The following TWIST2 variants were observed in gnomAD, a reference collection of about 807,000 sequenced individuals.
TWIST2 encodes the protein twist family bHLH transcription factor 2, also known as twist-related protein 2.
Under a neutral mutation model 11.6 loss-of-function variants are expected in TWIST2, and 1 was observed. The ratio of observed to expected loss-of-function variants is 0.09; its 90% confidence interval spans 0.03 to 0.41. TWIST2 has a LOEUF of 0.41. TWIST2 is among the 10% of genes least tolerant of loss of function. The probability of loss-of-function intolerance (pLI) is 0.98; values close to 1 mark genes in which losing one functional copy is unlikely to be tolerated. For missense variants in TWIST2, 168 were observed against 226.4 expected (o/e 0.74, Z 1.66); for synonymous variants, 87 against 96.6 (o/e 0.90, Z 0.58).
chr2:238,891,103 G>C (rs1054260471), intron 1 of TWIST2, among the ~76,000 whole-genome samples: 3 of 152,210 alleles, frequency 2.0e-5, no homozygotes, highest in Non-Finnish European at 2.9e-5. Flanking sequence ...TAGATTTGTG[G>C]ATCATGACAT....
chr2:238,884,332 C>T (rs1692992973), intron 1 of TWIST2, among the ~76,000 whole-genome samples: 1 of 152,220 alleles, frequency 6.6e-6, no homozygotes, highest in Non-Finnish European at 1.5e-5. Context: ...CCCAGTGAGG[C>T]CAAGACCAGG....
chr2:238,848,392 G>A lies in TWIST2; in HGVS notation c.177G>A (p.Gln59=), dbSNP rs888867938. The A allele has an allele frequency of 2.0e-6, 3 of 1,535,620 alleles. No homozygotes were observed. The African/African-American group carries it at 4.1e-5, about 21-fold the overall frequency. ...KRGKKGSPSA[Q]SFEELQSQRI... ...GCAAGAAGGGCAGCCCCAGCGCGCA[G>A]TCCTTCGAGGAGCTGCAGAGCCAGC... Residue 59 remains glutamine, a synonymous_variant, in exon 1 of 2, where the codon CAG becomes CAA. Transcript: ENST00000612363.
intron 1 of TWIST2, among the ~76,000 whole-genome samples, chr2:238,900,360 T>G (rs936370823): frequency 2.0e-5 from 3 of 152,196 alleles, no homozygotes; most frequent in Admixed American, 1.3e-4. Context: ...GGCCAGAAGC[T>G]GTAGGGGTTG....
At chr2:238,907,867 C>T (rs1402133220) in intron 1 of TWIST2, among the ~76,000 whole-genome samples, 2 of 140,356 alleles carry the variant, frequency 1.4e-5, no homozygotes, top group Non-Finnish European at 3.0e-5. Context: ...ATACACACCA[C>T]ATACACACAC....
At chr2:238,870,215 C>T (rs368905836) in intron 1 of TWIST2, among the ~76,000 whole-genome samples, 1 of 37,460 alleles carries the variant, frequency 2.7e-5, no homozygotes, top group Admixed American at 2.5e-4. Flanking sequence ...CCACACACCC[C>T]ACACACACAT....
At chr2:238,902,744 G>GT (rs1693288022) in intron 1 of TWIST2, among the ~76,000 whole-genome samples, 8 of 103,816 alleles carry the variant, frequency 7.7e-5, no homozygotes, top group South Asian at 3.7e-4. Flanking sequence ...TGTGTGTGAT[G>GT]GGTGTGATGG....
intron 1 of TWIST2, among the ~76,000 whole-genome samples, chr2:238,851,113 T>G (rs866176923): frequency 1.9e-4 from 29 of 152,382 alleles, no homozygotes; most frequent in Middle Eastern, 3.4e-3. Flanking sequence ...TCTCTAGACA[T>G]TTCAGTACAT....
At chr2:238,902,709 T>G (rs1391267252) in intron 1 of TWIST2, among the ~76,000 whole-genome samples, 7 of 118,274 alleles carry the variant, frequency 5.9e-5, no homozygotes, top group Admixed American at 3.5e-4. Context: ...ATGTGTGAGG[T>G]GTGTGTGATG....
intron 1 of TWIST2, among the ~76,000 whole-genome samples, chr2:238,898,618 C>T (rs1261695215): frequency 6.6e-6 from 1 of 152,232 alleles, no homozygotes. Context: ...GCAGCTGCCC[C>T]GAGGGGGCTG....
At chr2:238,872,659 G>A (rs974705518) in intron 1 of TWIST2, among the ~76,000 whole-genome samples, 13 of 152,166 alleles carry the variant, frequency 8.5e-5, no homozygotes, top group African/African-American at 1.9e-4. Flanking sequence ...TATTAAATAC[G>A]TAGCATCTAC....
At chr2:238,880,877 G>T (rs1692910287) in intron 1 of TWIST2, among the ~76,000 whole-genome samples, 1 of 111,896 alleles carries the variant, frequency 8.9e-6, no homozygotes, top group African/African-American at 3.3e-5. Flanking sequence ...GTTATTGTTA[G>T]TGTTAGTGTT....
At chr2:238,909,571 T>C (rs1465961854) in intron 1 of TWIST2, among the ~76,000 whole-genome samples, 6 of 151,448 alleles carry the variant, frequency 4.0e-5, no homozygotes, top group Non-Finnish European at 8.8e-5. Context: ...GTGGTGAGTG[T>C]GAGAAAGGGC....
intron 1 of TWIST2, 101 bp from the exon 2 acceptor site, chr2:238,909,741 C>G (rs1693421705): frequency 6.6e-6 from 1 of 152,356 alleles, no homozygotes; most frequent in South Asian, 2.1e-4. Context: ...AGGGCCTGCC[C>G]CGTGTCCCGT....
At chr2:238,855,026 C>T (rs961299563) in intron 1 of TWIST2, among the ~76,000 whole-genome samples, 1 of 152,198 alleles carries the variant, frequency 6.6e-6, no homozygotes, top group African/African-American at 2.4e-5. Context: ...TGCGTGGACT[C>T]CCTGGACCTG....
At chr2:238,901,709 C>T (rs1282992382) in intron 1 of TWIST2, among the ~76,000 whole-genome samples, 1 of 152,156 alleles carries the variant, frequency 6.6e-6, no homozygotes, top group Non-Finnish European at 1.5e-5. Context: ...CGGCAGGGGA[C>T]AGAGAGCCCC....
chr2:238,870,176 C>A (rs867749513), intron 1 of TWIST2, among the ~76,000 whole-genome samples: 7 of 61,136 alleles, frequency 1.1e-4, no homozygotes, highest in South Asian at 6.7e-4. Context: ...ACCACACACC[C>A]CACACACACA....
chr2:238,869,255 T>C (rs2106357075), intron 1 of TWIST2, among the ~76,000 whole-genome samples: 1 of 152,352 alleles, frequency 6.6e-6, no homozygotes, highest in East Asian at 1.9e-4. Context: ...GCAGCTTGTT[T>C]ACTGCCACGG....
chr2:238,904,962 G>A (rs1422317328), intron 1 of TWIST2, among the ~76,000 whole-genome samples: 2 of 151,356 alleles, frequency 1.3e-5, no homozygotes, highest in Non-Finnish European at 2.9e-5. Flanking sequence ...TGGATGGATG[G>A]AAGGAAGGAA....
chr2:238,859,115 G>T (rs1692381442), intron 1 of TWIST2, among the ~76,000 whole-genome samples: 1 of 151,324 alleles, frequency 6.6e-6, no homozygotes, highest in Admixed American at 6.6e-5. Flanking sequence ...GGGAGGCTGA[G>T]TCAGGAGAAT....
Sources: gnomAD v4.1 joint callset for allele counts (sites outside exome capture counted in the v4.1 genomes callset) on GRCh38, gnomAD v4.1.1 for gene constraint, MANE v1.5 for transcripts, NCBI Gene and HGNC (gene_info 2026-07-23, HGNC 2026-07-21) for gene names.